Variants in MARCHF1 observed in about 807,000 individuals in gnomAD.
MARCHF1 encodes E3 ubiquitin-protein ligase MARCHF1.
In MARCHF1, 40 loss-of-function variants were observed where a neutral mutation model predicts 54.2. The observed-to-expected ratio is 0.74, with a 90% CI of 0.57 to 0.96. MARCHF1 has a LOEUF of 0.96. Ranked by LOEUF, MARCHF1 falls within the 40% of genes least tolerant of loss-of-function variation. The pLI, the probability that MARCHF1 is intolerant of heterozygous loss-of-function variation, is 0.00. For missense variants in MARCHF1, 586 were observed against 656.5 expected (o/e 0.89, Z 1.17); for synonymous variants, 236 against 236.3 (o/e 1.00, Z 0.01).
chr4:164,003,727 G>A (rs921109345), intron 2 of MARCHF1, among the ~76,000 whole-genome samples: 1 of 152,080 alleles, frequency 6.6e-6, no homozygotes, highest in Non-Finnish European at 1.5e-5. Context: ...AGACAGTGTG[G>A]TGATGCCCCA....
intron 2 of MARCHF1, among the ~76,000 whole-genome samples, chr4:164,006,525 G>A (rs1579455214): frequency 6.6e-6 from 1 of 152,112 alleles, no homozygotes; most frequent in East Asian, 1.9e-4. Flanking sequence ...GTGTTGAGAG[G>A]GAGCTGAAAA....
chr4:163,962,589 A>G (rs954618031), intron 3 of MARCHF1, among the ~76,000 whole-genome samples: 1 of 151,980 alleles, frequency 6.6e-6, no homozygotes, highest in African/African-American at 2.4e-5. Flanking sequence ...AAGGAAATGT[A>G]CATTCTGCTT....
intron 7 of MARCHF1, among the ~76,000 whole-genome samples, chr4:163,609,706 C>A (rs1392399496): frequency 6.7e-6 from 1 of 150,276 alleles, no homozygotes; most frequent in Non-Finnish European, 1.5e-5. Context: ...GCCCTGGAAC[C>A]TTTTTTATTC....
At chr4:164,309,254 CTGTGTGTGTGTG>C (rs10577361) in intron 1 of MARCHF1, among the ~76,000 whole-genome samples, 21 of 147,956 alleles carry the variant, frequency 1.4e-4, no homozygotes, top group East Asian at 4.0e-4. Context: ...AATTTCTAAC[CTGTGTGTGTGTG>C]TGTGTGTGTG....
intron 2 of MARCHF1, among the ~76,000 whole-genome samples, chr4:164,002,783 G>A (rs1025673787): frequency 6.6e-6 from 1 of 151,762 alleles, no homozygotes; most frequent in Non-Finnish European, 1.5e-5. Flanking sequence ...TTCTGAAAAC[G>A]TTTAACTAAA....
chr4:163,844,971 G>A lies in MARCHF1; in HGVS notation c.111+9050C>T, dbSNP rs77475954. Among the ~76,000 whole-genome samples the A allele has an allele frequency of 2.6e-5, 4 of 152,228 alleles. No individual in the cohort carries two copies. The East Asian group carries it at 7.7e-4, about 29-fold the overall frequency. ...ACATGAAGAAAATATTCTGTATGAA[G>A]CAGCATAAAGGACTGGGAAGATATA... is the stretch of plus-strand genomic sequence containing the variant. On this transcript the variant is annotated intron_variant, in intron 4 of 9. Transcript: ENST00000514618.
intron 1 of MARCHF1, among the ~76,000 whole-genome samples, chr4:164,338,553 A>G (rs1729824749): frequency 6.6e-6 from 1 of 152,236 alleles, no homozygotes; most frequent in Non-Finnish European, 1.5e-5. Flanking sequence ...AGAAAACATA[A>G]AGTGAAGCAA....
chr4:164,161,492 A>C (rs991076333), intron 1 of MARCHF1, among the ~76,000 whole-genome samples: 50 of 152,194 alleles, frequency 3.3e-4, no homozygotes, highest in African/African-American at 1.2e-3. Flanking sequence ...AATTTAGGAA[A>C]GCATATTTTT....
chr4:164,065,249 G>T (rs750778293), intron 2 of MARCHF1, among the ~76,000 whole-genome samples: 16 of 152,064 alleles, frequency 1.1e-4, no homozygotes, highest in Non-Finnish European at 2.2e-4. Flanking sequence ...TTGCACATCT[G>T]GTAGGATTCA....
rs373413163 is a variant in MARCHF1, at chr4:164,200,659, AAGCATT to A, written c.-322-89003_-322-88998del. Among the ~76,000 whole-genome samples the A allele has an allele frequency of 1.3e-4, 20 of 152,346 alleles. 1 individual carries two copies. The highest frequency in any genetic ancestry group is 4.6e-4 in the African/African-American group (19 of 41,576). Reference sequence around the variant, plus strand: ...AAATATTGTATAACTTCTACAGCCTAAGCATTAAGTTTATAACAGTAAATAAGAGAG... The same window carrying A: ...AAATATTGTATAACTTCTACAGCCTAAAGTTTATAACAGTAAATAAGAGAG... On this transcript the variant is annotated intron_variant, in intron 1 of 9. Coordinates refer to ENST00000514618, the MANE Select transcript of MARCHF1 (RefSeq NM_001394959.1).
At chr4:163,598,486 C>G (rs950097024) in intron 7 of MARCHF1, among the ~76,000 whole-genome samples, 2 of 152,210 alleles carry the variant, frequency 1.3e-5, no homozygotes, top group African/African-American at 2.4e-5. Flanking sequence ...GATGGTGTAG[C>G]CTACTCCACA....
intron 4 of MARCHF1, among the ~76,000 whole-genome samples, chr4:163,830,199 T>A (rs113766999): frequency 0.019 from 2,850 of 152,148 alleles, 82 homozygotes; most frequent in African/African-American, 0.062. Flanking sequence ...CTAGTATACT[T>A]GAAATTTTTC....
At chr4:164,245,043 G>A (rs933915575) in intron 1 of MARCHF1, among the ~76,000 whole-genome samples, 7 of 152,158 alleles carry the variant, frequency 4.6e-5, no homozygotes, top group Non-Finnish European at 1.0e-4. Flanking sequence ...GGAGGAACTG[G>A]TACCATTCCT....
chr4:163,993,413 G>A (rs1753005541), intron 2 of MARCHF1, among the ~76,000 whole-genome samples: 1 of 152,076 alleles, frequency 6.6e-6, no homozygotes. Context: ...AGAAGCGACT[G>A]AATGATCAGC....
chr4:164,349,435 CT>C (rs370486295), intron 1 of MARCHF1, among the ~76,000 whole-genome samples: 2 of 151,986 alleles, frequency 1.3e-5, no homozygotes. Flanking sequence ...TTGAAGTATT[CT>C]TTTTTTGATA....
At chr4:163,667,040 AT>A (rs895583725) in intron 5 of MARCHF1, among the ~76,000 whole-genome samples, 6 of 151,916 alleles carry the variant, frequency 3.9e-5, no homozygotes, top group Admixed American at 3.9e-4. Flanking sequence ...GTTCAAGAGT[AT>A]TTTTTTTAAA....
intron 1 of MARCHF1, among the ~76,000 whole-genome samples, chr4:164,295,136 G>A (rs948973896): frequency 2.6e-5 from 4 of 152,024 alleles, no homozygotes; most frequent in African/African-American, 7.2e-5. Context: ...ACAAAGAGAC[G>A]CAATTGTAGA....
At chr4:163,602,487 T>A (rs1741004306) in intron 7 of MARCHF1, among the ~76,000 whole-genome samples, 1 of 152,084 alleles carries the variant, frequency 6.6e-6, no homozygotes, top group African/African-American at 2.4e-5. Flanking sequence ...AAGCAAGACC[T>A]CCTGACTGTA....
intron 4 of MARCHF1, among the ~76,000 whole-genome samples, chr4:163,816,324 T>C (rs534674886): frequency 1.4e-4 from 21 of 152,026 alleles, no homozygotes; most frequent in Admixed American, 2.0e-4. Context: ...ATAAATAACA[T>C]TGATCTTCAA....
Sources: allele counts gnomAD v4.1 joint callset (sites outside exome capture counted in the v4.1 genomes callset), GRCh38; gene constraint gnomAD v4.1.1; transcripts MANE v1.5; gene names NCBI Gene and HGNC (gene_info 2026-07-23, HGNC 2026-07-21).